Variants in LENG8 observed in about 807,000 individuals in gnomAD.
LENG8 encodes the protein leukocyte receptor cluster (LRC) member 8.
Under a neutral mutation model 102.1 loss-of-function variants are expected in LENG8, and 28 were observed. The observed-to-expected ratio is 0.27, with a 90% CI of 0.20 to 0.38. The LOEUF (loss-of-function observed/expected upper bound fraction) is 0.38. LENG8 is among the 10% of genes least tolerant of loss of function. The probability of loss-of-function intolerance (pLI) is 1.00; values close to 1 mark genes in which losing one functional copy is unlikely to be tolerated. For missense variants in LENG8, 1,022 were observed against 1,113.9 expected, an observed-to-expected ratio of 0.92 and a Z score of 1.17; for synonymous variants, 531 against 456.7, an observed-to-expected ratio of 1.16 and a Z score of -2.07.
Position 54,454,318 on chromosome 19 carries a change from G to A in LENG8, c.427-112G>A, listed in dbSNP as rs1041828049. 120 of 1,091,130 alleles carry A rather than the reference G, an allele frequency of 1.1e-4. 1 individual carries two copies. In the East Asian group the frequency reaches 2.9e-3, roughly 26 times the overall value. 67.6% of individuals were successfully genotyped at this position (1,091,130 alleles called of 1,614,324 possible). A position where few individuals can be genotyped will look rare whatever the true frequency, so the allele number is the denominator to read the frequency against. On this transcript the variant is annotated intron_variant, in intron 5 of 15. Coordinates refer to ENST00000326764, the MANE Select transcript of LENG8 (RefSeq NM_052925.4). ...TGAACTCACATTTGGGAAGGTCACG[G>A]GAGGGTTGAGTGCTGAGTGCTGTGA...
chr19:54,460,010 G>A lies in LENG8; in HGVS notation c.2241-756G>A, dbSNP rs182282371. Reference sequence around the variant, plus strand: ...CATGAGTGCCCCTCGTGGGTGGGGCGCCAGTCTGTCATTGACCTCATTGTG... The same window carrying A: ...CATGAGTGCCCCTCGTGGGTGGGGCACCAGTCTGTCATTGACCTCATTGTG... On this transcript the variant is annotated intron_variant, in intron 15 of 15. Transcript: ENST00000326764. 62 of 1,255,314 alleles carry A rather than the reference G, an allele frequency of 4.9e-5. No individual in the cohort carries two copies. The East Asian group carries it at 8.6e-4, about 17-fold the overall frequency. The allele number at this position is 1,255,314 out of a possible 1,614,324, so 77.8% of individuals were successfully genotyped here. A position where few individuals can be genotyped will look rare whatever the true frequency, so the allele number is the denominator to read the frequency against.
Position 54,452,659 on chromosome 19 carries a change from C to T in LENG8, c.222C>T (p.Ser74=). 6.2e-7 allele frequency: 1 copy of T among 1,613,666 alleles called. No homozygotes were observed. The change falls in exon 4 of 16, where the codon TCC becomes TCT. Residue 74 remains serine, a synonymous_variant. Transcript: ENST00000326764. ...NGPVASAQYV[S]QAEASALQQQ... Reference sequence around the variant, plus strand: ...TGCCTCTGCTTCCACAGTACGTGTCCCAGGCAGAAGCCTCAGCTTTGCAGC... The same window carrying T: ...TGCCTCTGCTTCCACAGTACGTGTCTCAGGCAGAAGCCTCAGCTTTGCAGC...
Position 54,461,079 on chromosome 19 carries a change from G to A in LENG8, c.*151G>A, listed in dbSNP as rs1282244090. 4 of 1,168,858 alleles carry A rather than the reference G, an allele frequency of 3.4e-6. No individual in the cohort carries two copies. Among genetic ancestry groups the A allele is most frequent in the African/African-American group, 3.1e-5 (2 of 65,528 alleles). 72.4% of individuals were successfully genotyped at this position (1,168,858 alleles called of 1,614,324 possible). A position where few individuals can be genotyped will look rare whatever the true frequency, so the allele number is the denominator to read the frequency against. Reference sequence around the variant, plus strand: ...CCATCCCTGCCCCCGTTTTCCCACCGGGGAGTCTGTACAGAGATTTTTCTA... The same window carrying A: ...CCATCCCTGCCCCCGTTTTCCCACCAGGGAGTCTGTACAGAGATTTTTCTA... On this transcript the variant is annotated 3_prime_UTR_variant, in exon 16 of 16. Transcript: ENST00000326764.
Position 54,455,354 on chromosome 19 carries a change from C to G in LENG8, c.822-10C>G. 1 of 1,613,812 alleles carries G rather than the reference C, an allele frequency of 6.2e-7. No homozygotes were observed. Among genetic ancestry groups the G allele is most frequent in the Non-Finnish European group, 8.5e-7 (1 of 1,179,784 alleles). On this transcript the variant is annotated splice_polypyrimidine_tract_variant and intron_variant, in intron 7 of 15. Coordinates refer to ENST00000326764, the MANE Select transcript of LENG8 (RefSeq NM_052925.4). ...GTCTCCAGCTGAGCCCCTCATCTGT[C>G]CTCCCGCAGCGGGTCCTCTGCCCGG...
rs910420892 is a variant in LENG8 at position 54,449,203 on chromosome 19, G to A, written c.-163G>A. 3 of 152,384 alleles carry A rather than the reference G, an allele frequency of 2.0e-5. No homozygotes were observed. Among genetic ancestry groups the A allele is most frequent in the African/African-American group, 7.2e-5 (3 of 41,450 alleles). The allele number at this position is 152,384 out of a possible 1,614,324, so 9.4% of individuals were successfully genotyped here. ...GTCAGGACGCCGCGGTCAGGACGTCGAAGCCAAAGAAGACCAGAGCCAGCC... is the reference window on the plus strand; with the variant it reads ...GTCAGGACGCCGCGGTCAGGACGTCAAAGCCAAAGAAGACCAGAGCCAGCC... On this transcript the variant is annotated 5_prime_UTR_variant, in exon 1 of 16. Coordinates refer to ENST00000326764, the MANE Select transcript of LENG8 (RefSeq NM_052925.4).
chr19:54,458,871 C>T, intron 15 of LENG8: 1 of 1,549,984 alleles, frequency 6.5e-7, no homozygotes, highest in East Asian at 2.4e-5. Flanking sequence ...CCTGAGGTCT[C>T]TGCTTTCTCA....
intron 8 of LENG8, 60 bp downstream of exon 8, chr19:54,455,627 A>G (rs980090585): frequency 5.3e-5 from 78 of 1,463,130 alleles, no homozygotes; most frequent in Non-Finnish European, 6.5e-6. Context: ...TGGGCTGGGT[A>G]TGGAGGTAGG....
At position 54,458,086 on chromosome 19, in the gene LENG8, G is replaced by A. The variant is rs759480094; in HGVS notation, c.1903-17G>A. ...ACCCTCACTCTGCTCTCCTCCCTCG[G>A]TGCCTCTGCCTTCCAGGGTGACCAT... On this transcript the variant is annotated splice_polypyrimidine_tract_variant and intron_variant, in intron 13 of 15. Transcript: ENST00000326764. The A allele has an allele frequency of 6.2e-6, 10 of 1,612,118 alleles. No individual in the cohort carries two copies. In the East Asian group the frequency reaches 2.2e-4, roughly 36 times the overall value.
chr19:54,451,403 G>T, intron 2 of LENG8, 21 bp downstream of exon 2: 1 of 1,613,328 alleles, frequency 6.2e-7, no homozygotes, highest in Non-Finnish European at 8.5e-7. Context: ...CGAGAGGGAT[G>T]GAGGCCAGTC....
chr19:54,461,762 AT>A lies in LENG8; in HGVS notation c.*837del, dbSNP rs1420657464. 55 of 552,444 alleles carry A rather than the reference AT, an allele frequency of 1.0e-4. No homozygotes were observed. Among genetic ancestry groups the A allele is most frequent in the African/African-American group, 8.3e-4 (43 of 51,944 alleles). The allele number at this position is 552,444 out of a possible 1,614,324, so 34.2% of individuals were successfully genotyped here. ...TTCTCTTTTCTTTGTGTGTGTGTTT[AT>A]TTAAGTTATTTTTCTTCCTCCTCTC... On this transcript the variant is annotated 3_prime_UTR_variant, in exon 16 of 16. Coordinates refer to ENST00000326764, the MANE Select transcript of LENG8 (RefSeq NM_052925.4).
rs780889629 is a variant in LENG8, at chr19:54,456,046, G to C, written c.1105G>C (p.Ala369Pro). ...TAGCAGCCTTCACCCTCCTAGAGGG[G>C]CAGGCTCGGCGACAAGGGGCGGGGG... is the stretch of plus-strand genomic sequence containing the variant. ...AASSLHPPRG[A>P]GSATRGGGAP... Residue 369 changes from alanine to proline, a missense_variant, in exon 9 of 16, where the codon GCA becomes CCA. Physicochemically the swap from Ala to Pro is conservative, Grantham distance 27. This residue lies in a region of LENG8 where 326 missense variants were observed against 324.5 expected (regional missense o/e 1.00). Coordinates refer to ENST00000326764, the MANE Select transcript of LENG8 (RefSeq NM_052925.4). The C allele has an allele frequency of 6.2e-7, 1 of 1,612,084 alleles. No individual in the cohort carries two copies. The highest frequency in any genetic ancestry group is 1.3e-5 in the African/African-American group (1 of 75,006).
At position 54,454,952 on chromosome 19, in the gene LENG8, C is replaced by T. The variant is rs368821334; in HGVS notation, c.681C>T (p.Pro227=). ...CCATAGCTTTCGCTGCCCTCACAGCCGCCCCTGGGACTGGAGGTCTCAAGT... is the reference window on the plus strand; with the variant it reads ...CCATAGCTTTCGCTGCCCTCACAGCTGCCCCTGGGACTGGAGGTCTCAAGT... The part of the protein sequence containing the change: ...KGQQLWNRMK[P]APGTGGLKFN... The change falls in exon 7 of 16, where the codon CCC becomes CCT. Residue 227 remains proline, a splice_region_variant and synonymous_variant. Transcript: ENST00000326764. 3.5e-5 allele frequency: 56 copies of T among 1,614,174 alleles called. No individual in the cohort carries two copies. In the Middle Eastern group the frequency reaches 8.2e-4, roughly 24 times the overall value.
chr19:54,452,676 C>T lies in LENG8; in HGVS notation c.239C>T (p.Ala80Val). Reference sequence around the variant, plus strand: ...TACGTGTCCCAGGCAGAAGCCTCAGCTTTGCAGCAGCAGCAGTACTACCAG... The same window carrying T: ...TACGTGTCCCAGGCAGAAGCCTCAGTTTTGCAGCAGCAGCAGTACTACCAG... ...AQYVSQAEAS[A>V]LQQQQYYQWY... Residue 80 changes from alanine (A) to valine (V), a missense_variant, in exon 4 of 16, where the codon GCT becomes GTT. Around this residue, in one of 7 missense-constraint regions of LENG8, gnomAD observed 343 missense variants for 320.2 expected, o/e 1.07. Transcript: ENST00000326764. The T allele has an allele frequency of 4.3e-6, 7 of 1,614,064 alleles. No homozygotes were observed. The highest frequency in any genetic ancestry group is 1.3e-5 in the African/African-American group (1 of 75,054).
rs1349609302 is a variant in LENG8 at position 54,454,568 on chromosome 19, C to T, written c.565C>T (p.Pro189Ser). 1.9e-6 allele frequency: 3 copies of T among 1,611,948 alleles called. No homozygotes were observed. Among genetic ancestry groups the T allele is most frequent in the Non-Finnish European group, 2.5e-6 (3 of 1,179,516 alleles). ...LNSGPQPGTA[P>S]ATQHSQAGPA... Reference sequence around the variant, plus strand: ...CAGTGGCCCTCAGCCTGGGACAGCTCCAGCCACACAGCACAGCCAGGCGGG... The same window carrying T: ...CAGTGGCCCTCAGCCTGGGACAGCTTCAGCCACACAGCACAGCCAGGCGGG... Residue 189 changes from proline to serine, a missense_variant, in exon 6 of 16, where the codon CCA (proline) becomes TCA (serine). Transcript: ENST00000326764.
chr19:54,456,801 G>A lies in LENG8; in HGVS notation c.1611G>A (p.Glu537=), dbSNP rs377090586. The change falls in exon 11 of 16, where the codon GAG becomes GAA. Residue 537 remains glutamate, a synonymous_variant. Coordinates refer to ENST00000326764, the MANE Select transcript of LENG8 (RefSeq NM_052925.4). ...TGGTGCTGCAGATGAGCAGCCTGGA[G>A]AGCAGTGGGGCTGACCCTGACTGGC... ...EPLVLQMSSL[E]SSGADPDWQE... 6.2e-7 allele frequency: 1 copy of A among 1,611,370 alleles called. No homozygotes were observed. Among genetic ancestry groups the A allele is most frequent in the African/African-American group, 1.3e-5 (1 of 74,926 alleles).
Position 54,457,222 on chromosome 19 carries a change from G to C in LENG8, c.1731+301G>C, listed in dbSNP as rs549165384. On this transcript the variant is annotated intron_variant, in intron 11 of 15. Transcript: ENST00000326764. ...CCCAGGCCCGTGGGCTGTGGGGCGT[G>C]GGGGGCTGTGTTTCCAGTGTTTGGC... Among the ~76,000 whole-genome samples, 13 of 152,348 alleles carry C rather than the reference G, an allele frequency of 8.5e-5. No homozygotes were observed. In the East Asian group the frequency reaches 2.3e-3, roughly 27 times the overall value.
At chr19:54,454,360 GC>G (rs2084106677) in intron 5 of LENG8, 69 bp from the exon 6 acceptor site, 7 of 1,497,762 alleles carry the variant, frequency 4.7e-6, no homozygotes, top group Non-Finnish European at 5.4e-6. Context: ...CGTCCTCACA[GC>G]GAGGGCTGAG....
intron 15 of LENG8, chr19:54,458,800 C>T (rs1225388999): frequency 2.6e-6 from 4 of 1,551,124 alleles, no homozygotes; most frequent in East Asian, 2.4e-5. Flanking sequence ...TGTGTCTCTT[C>T]CTCCTGTTCT....
Position 54,456,382 on chromosome 19 carries a change from C to T in LENG8, c.1362C>T (p.Gly454=), listed in dbSNP as rs748492668. 9 of 1,612,520 alleles carry T rather than the reference C, an allele frequency of 5.6e-6. No individual in the cohort carries two copies. Among genetic ancestry groups the T allele is most frequent in the Non-Finnish European group, 5.1e-6 (6 of 1,179,960 alleles). The stretch of plus-strand genomic sequence containing the variant: ...CAGGGAATGAGTGTCACCCTGTGGG[C>T]CGCAGGAACCCGCCCCCTAAGGGCC... The part of the protein sequence containing the change: ...SYSGNECHPV[G]RRNPPPKGRG... Residue 454 remains glycine, a synonymous_variant, in exon 10 of 16, where the codon GGC becomes GGT. Coordinates refer to ENST00000326764, the MANE Select transcript of LENG8 (RefSeq NM_052925.4).
Sources: allele counts gnomAD v4.1 joint callset (sites outside exome capture counted in the v4.1 genomes callset), GRCh38; gene constraint gnomAD v4.1.1; regional missense constraint gnomAD v4.1.1; transcripts MANE v1.5; gene names NCBI Gene and HGNC (gene_info 2026-07-23, HGNC 2026-07-21).